Variants in VPS13B observed in about 807,000 individuals in gnomAD.
VPS13B encodes vacuolar protein sorting 13 homolog B, also known as intermembrane lipid transfer protein VPS13B.
A neutral mutation model predicts 426.4 loss-of-function variants in VPS13B; 285 were observed. That is an observed-to-expected ratio of 0.67 (90% confidence interval 0.61 to 0.74). The LOEUF (loss-of-function observed/expected upper bound fraction) is 0.74, where lower values mean the gene tolerates loss of function less well. VPS13B is among the 30% of genes least tolerant of loss of function. The probability of loss-of-function intolerance (pLI) is 0.00; values close to 1 mark genes in which losing one functional copy is unlikely to be tolerated. For missense variants in VPS13B, 4,537 were observed against 4,782.6 expected (o/e 0.95, Z 1.51); for synonymous variants, 1,676 against 1,676.4 (o/e 1.00, Z 0.01).
intron 24 of VPS13B, among the ~76,000 whole-genome samples, chr8:99,481,317 G>A (rs1820025005): frequency 6.6e-6 from 1 of 152,066 alleles, no homozygotes; most frequent in Admixed American, 6.5e-5. Flanking sequence ...ATTTGTATGT[G>A]TTCTATTGTT....
rs539760329 is a variant in VPS13B, at chr8:99,303,314, T to C, written c.2824+28060T>C. Among the ~76,000 whole-genome samples the C allele has an allele frequency of 7.0e-5, 10 of 143,562 alleles. No homozygotes were observed. In the East Asian group the frequency reaches 8.2e-4, roughly 12 times the overall value. The allele number at this position is 143,562 out of a possible 152,430, so 94.2% of individuals were successfully genotyped here. ...CTAGTTGAGAAGGAGAACTGAAACA[T>C]TGTTTTGCAAAAGTGTTGCTGTGAA... On this transcript the variant is annotated intron_variant, in intron 19 of 61. Transcript: ENST00000357162.
chr8:99,360,206 CTCTCTTTCTTTCTTTCTT>C (rs1563687248), intron 19 of VPS13B, among the ~76,000 whole-genome samples: 1 of 34,918 alleles, frequency 2.9e-5, no homozygotes, highest in South Asian at 1.4e-3. Flanking sequence ...CTCTCTCTCT[CTCTCTTTCTTTCTTTCTT>C]TCTTTCTTTC....
At chr8:99,431,079 A>G (rs543610705) in intron 21 of VPS13B, among the ~76,000 whole-genome samples, 7 of 152,208 alleles carry the variant, frequency 4.6e-5, no homozygotes, top group African/African-American at 1.4e-4. Context: ...GAACATTTAC[A>G]TATGGGAAGG....
chr8:99,349,287 T>C (rs967924581), intron 19 of VPS13B, among the ~76,000 whole-genome samples: 9 of 116,878 alleles, frequency 7.7e-5, no homozygotes, highest in African/African-American at 1.7e-4. Flanking sequence ...GAGCCGAGAT[T>C]GCGCCACTGC....
chr8:99,096,246 A>G, intron 3 of VPS13B, 66 bp from the exon 4 acceptor site: 2 of 1,589,356 alleles, frequency 1.3e-6, no homozygotes, highest in Non-Finnish European at 1.7e-6. Context: ...TATATTAAAA[A>G]ATTTTTTTTC....
chr8:99,165,377 TTTATG>T (rs1811944455), intron 15 of VPS13B, among the ~76,000 whole-genome samples: 1 of 152,244 alleles, frequency 6.6e-6, no homozygotes, highest in African/African-American at 2.4e-5. Context: ...CCAATTCCTC[TTTATG>T]TATCTGGCAA....
intron 61 of VPS13B, 126 bp from the exon 62 acceptor site, chr8:99,875,292 G>T (rs1261610146): frequency 1.5e-6 from 2 of 1,322,246 alleles, no homozygotes; most frequent in Non-Finnish European, 2.2e-6. Context: ...AAACATTCTG[G>T]ATTAATGGCT....
rs368578117 is a variant in VPS13B, at chr8:99,659,220, G to A, written c.5909-2134G>A. On this transcript the variant is annotated intron_variant, in intron 34 of 61. Coordinates refer to ENST00000357162, the MANE Select transcript of VPS13B (RefSeq NM_152564.5). ...TAAGATTTAGTATATTTTAATGTTTGTATTTTTAAAATGTTTATATGCCAT... is the reference window on the plus strand; with the variant it reads ...TAAGATTTAGTATATTTTAATGTTTATATTTTTAAAATGTTTATATGCCAT... 5.9e-5 allele frequency among the ~76,000 whole-genome samples: 9 copies of A among 152,142 alleles called. No homozygotes were observed. In the South Asian group the frequency reaches 1.9e-3, roughly 32 times the overall value.
chr8:99,164,942 G>A (rs920493229), intron 15 of VPS13B, among the ~76,000 whole-genome samples: 8 of 151,812 alleles, frequency 5.3e-5, no homozygotes, highest in Middle Eastern at 6.3e-3. Context: ...TCTCCTTCCC[G>A]TTTTGATGGC....
rs796690774 is a variant in VPS13B, at chr8:99,357,802, A to C, written c.2825-26406A>C. On this transcript the variant is annotated intron_variant, in intron 19 of 61. Transcript: ENST00000357162. ...TGGATTAAATGAGACAGTAAATGTA[A>C]AATGCTTAACACTTTGTTGTCAATT... 6.6e-5 allele frequency among the ~76,000 whole-genome samples: 10 copies of C among 152,302 alleles called. 1 individual carries two copies. The highest frequency in any genetic ancestry group is 2.2e-4 in the African/African-American group (9 of 41,540).
intron 33 of VPS13B, among the ~76,000 whole-genome samples, chr8:99,636,440 T>A (rs1028180573): frequency 6.6e-6 from 1 of 152,002 alleles, no homozygotes; most frequent in Admixed American, 6.6e-5. Context: ...GAATATTAAT[T>A]ATCATTATCA....
At chr8:99,475,078 A>G (rs1431067682) in intron 24 of VPS13B, among the ~76,000 whole-genome samples, 1 of 152,206 alleles carries the variant, frequency 6.6e-6, no homozygotes, top group African/African-American at 2.4e-5. Context: ...TGCTGACTGA[A>G]AGAAGCCAAG....
At chr8:99,795,231 C>G (rs960192694) in intron 43 of VPS13B, among the ~76,000 whole-genome samples, 1 of 152,168 alleles carries the variant, frequency 6.6e-6, no homozygotes, top group Non-Finnish European at 1.5e-5. Flanking sequence ...GGCAAATTTT[C>G]TACTTTCCAT....
Position 99,759,416 on chromosome 8 carries a change from A to G in VPS13B, c.7051-7358A>G, listed in dbSNP as rs188908160. Reference sequence around the variant, plus strand: ...CTTTTCATCAGCTCACCATTTTCATATCCTCTTTTAACCAGTTTGCATTCT... The same window carrying G: ...CTTTTCATCAGCTCACCATTTTCATGTCCTCTTTTAACCAGTTTGCATTCT... On this transcript the variant is annotated intron_variant, in intron 39 of 61. Coordinates refer to ENST00000357162, the MANE Select transcript of VPS13B (RefSeq NM_152564.5). Among the ~76,000 whole-genome samples the G allele has an allele frequency of 1.7e-3, 264 of 152,298 alleles. 2 individuals are homozygous for G. The Middle Eastern group carries it at 0.041, about 24-fold the overall frequency.
At chr8:99,615,896 C>T (rs557678122) in intron 33 of VPS13B, among the ~76,000 whole-genome samples, 25 of 151,692 alleles carry the variant, frequency 1.6e-4, no homozygotes, top group Middle Eastern at 6.8e-3. Flanking sequence ...TTTTTTTATG[C>T]GATGCTAGTA....
rs1405151806 is a variant in VPS13B at position 99,093,278 on chromosome 8, CA to C, written c.292-3031del. 6.6e-5 allele frequency among the ~76,000 whole-genome samples: 10 copies of C among 151,984 alleles called. No individual in the cohort carries two copies. The East Asian group carries it at 1.7e-3, about 26-fold the overall frequency. On this transcript the variant is annotated intron_variant, in intron 3 of 61. Coordinates refer to ENST00000357162, the MANE Select transcript of VPS13B (RefSeq NM_152564.5). ...ATGAAGAGTTAAATACAAAAGTGGA[CA>C]AACATATCTCACTTAGAGTTCTTTA...
intron 33 of VPS13B, among the ~76,000 whole-genome samples, chr8:99,592,351 T>C (rs1826733177): frequency 6.6e-6 from 1 of 152,090 alleles, no homozygotes; most frequent in Non-Finnish European, 1.5e-5. Flanking sequence ...TCCTGCTTTG[T>C]TCCATTGCTG....
chr8:99,394,988 C>A (rs976646008), intron 21 of VPS13B, among the ~76,000 whole-genome samples: 2 of 152,128 alleles, frequency 1.3e-5, no homozygotes, highest in African/African-American at 4.8e-5. Context: ...AAACAACTAA[C>A]AAACTGGATA....
At chr8:99,158,667 C>G (rs1186953388) in intron 15 of VPS13B, among the ~76,000 whole-genome samples, 3 of 152,160 alleles carry the variant, frequency 2.0e-5, no homozygotes, top group African/African-American at 7.2e-5. Context: ...AACAACAAAG[C>G]CTCAATGACA....
Sources: gnomAD v4.1 joint callset for allele counts (sites outside exome capture counted in the v4.1 genomes callset) on GRCh38, gnomAD v4.1.1 for gene constraint, MANE v1.5 for transcripts, NCBI Gene and HGNC (gene_info 2026-07-23, HGNC 2026-07-21) for gene names.